CENPN: variants seen among roughly 807,000 people sequenced by gnomAD.
CENPN encodes centromere protein N, also known as interphase centromere complex protein 32.
CENPN carries 36 observed loss-of-function variants against 48.6 expected under a neutral mutation model. The ratio of observed to expected loss-of-function variants is 0.74; its 90% CI spans 0.57 to 0.98. CENPN has a LOEUF of 0.98. Among genes scored for constraint, CENPN ranks in the 50% least tolerant of loss-of-function variants. The pLI is 0.00. For synonymous variants in CENPN, 166 were observed against 135.2 expected (o/e 1.23, Z -1.58); for missense variants, 439 against 399.2 (o/e 1.10, Z -0.85).
At chr16:81,032,598 C>A (rs1465612603), downstream of CENPN, 2 of 1,611,778 alleles carry the variant, frequency 1.2e-6, no homozygotes, top group East Asian at 4.5e-5. Context: ...AAAAGCTGCT[C>A]TGCTATTCTG....
Position 81,024,796 on chromosome 16 carries a change from T to C in CENPN, c.697+18T>C, listed in dbSNP as rs781656637. 6.5e-7 allele frequency: 1 copy of C among 1,549,230 alleles called. No individual in the cohort carries two copies. The highest frequency in any genetic ancestry group is 1.8e-5 in the Admixed American group (1 of 57,022). ...TATAAATAGTACGTGTGTGTTAATA[T>C]GAAACTGAATTTTGGAAATGCATCA... On this transcript the variant is annotated intron_variant, in intron 8 of 10. Coordinates refer to ENST00000305850, the MANE Select transcript of CENPN (RefSeq NM_001100624.3).
chr16:81,008,206 AT>A (rs141268801), intron 1 of CENPN, among the ~76,000 whole-genome samples: 2,584 of 152,252 alleles, frequency 0.017, 100 homozygotes, highest in East Asian at 0.1. Context: ...GCTCTACCAA[AT>A]TTCTTTAGAC....
Position 81,029,405 on chromosome 16 carries a change from T to G in CENPN, c.*754T>G, listed in dbSNP as rs982118191. ...TTTTCCTTTCTAATTTTTTATTTCT[T>G]TATTTATTTATTGAGACAGGGTCTC... On this transcript the variant is annotated 3_prime_UTR_variant, in exon 11 of 11. Coordinates refer to ENST00000305850, the MANE Select transcript of CENPN (RefSeq NM_001100624.3). The G allele has an allele frequency of 1.2e-5, 7 of 599,522 alleles. No individual in the cohort carries two copies. The African/African-American group carries it at 1.2e-4, about 10-fold the overall frequency. The allele number at this position is 599,522 out of a possible 1,614,324, so 37.1% of individuals were successfully genotyped here. A position where few individuals can be genotyped will look rare whatever the true frequency, so the allele number is the denominator to read the frequency against.
chr16:81,008,610 G>T (rs1969594343), intron 1 of CENPN, among the ~76,000 whole-genome samples: 2 of 152,114 alleles, frequency 1.3e-5, no homozygotes, highest in African/African-American at 2.4e-5. Flanking sequence ...GACCTCAAGT[G>T]ATACACCACG....
intron 7 of CENPN, chr16:81,024,451 C>T (rs1970367187): frequency 8.2e-6 from 2 of 243,042 alleles, no homozygotes; most frequent in East Asian, 1.8e-4. Context: ...GCAAATGCTT[C>T]CGTAGATTCC....
Position 81,028,720 on chromosome 16 carries a change from G to C in CENPN, c.*69G>C. 3.9e-6 allele frequency: 6 copies of C among 1,554,608 alleles called. No homozygotes were observed. Among genetic ancestry groups the C allele is most frequent in the Admixed American group, 2.2e-5 (1 of 45,672 alleles). ...GCACATGCACTTCAGTTCATGGCTA[G>C]CTGTATAGCTTCCGTCTGTAAACTT... On this transcript the variant is annotated 3_prime_UTR_variant, in exon 11 of 11. Coordinates refer to ENST00000305850, the MANE Select transcript of CENPN (RefSeq NM_001100624.3).
At chr16:81,022,350 C>T in intron 6 of CENPN, 1 of 416,996 alleles carries the variant, frequency 2.4e-6, no homozygotes, top group South Asian at 3.2e-5. Flanking sequence ...TTATTAGTAA[C>T]TCCTAACTTT....
chr16:81,020,442 G>T (rs1949341381), intron 6 of CENPN, 166 bp downstream of exon 6: 2 of 585,978 alleles, frequency 3.4e-6, no homozygotes, highest in Non-Finnish European at 5.4e-6. Context: ...AGGATTGCTC[G>T]TGCCCACGAG....
chr16:81,019,006 A>G (rs989242365), intron 5 of CENPN, among the ~76,000 whole-genome samples: 1 of 152,208 alleles, frequency 6.6e-6, no homozygotes, highest in African/African-American at 2.4e-5. Context: ...CATATTTAAA[A>G]GTTTGGAAAG....
At chr16:81,032,238 T>C (rs1970804563), downstream of CENPN, among the ~76,000 whole-genome samples, 2 of 152,214 alleles carry the variant, frequency 1.3e-5, no homozygotes, top group African/African-American at 4.8e-5. Flanking sequence ...GACTGAGGAA[T>C]AGAGCCACAT....
intron 10 of CENPN, 112 bp downstream of exon 10, chr16:81,028,409 C>T: frequency 6.7e-7 from 1 of 1,484,272 alleles, no homozygotes; most frequent in South Asian, 1.3e-5. Flanking sequence ...TCTGCTAGCC[C>T]ATCCTGCTCT....
At chr16:81,024,589 T>G (rs1365623598) in intron 7 of CENPN, 126 bp from the exon 8 acceptor site, 1 of 512,856 alleles carries the variant, frequency 1.9e-6, no homozygotes, top group African/African-American at 2.3e-5. Flanking sequence ...TCAGCCAGGA[T>G]ATGGCTTTGG....
At position 81,007,297 on chromosome 16, in the gene CENPN, C is replaced by T. The variant is rs1247105172; in HGVS notation, c.-11+20C>T. On this transcript the variant is annotated intron_variant, in intron 1 of 10. Transcript: ENST00000305850. ...GGGCCGGTAAGAGAGCCCCGGGCGG[C>T]ACTGGATCGGGCCCCGGAGGGTGTG... is the stretch of plus-strand genomic sequence containing the variant. 6.5e-6 allele frequency: 1 copy of T among 153,310 alleles called. No individual in the cohort carries two copies. Among genetic ancestry groups the T allele is most frequent in the Admixed American group, 6.5e-5 (1 of 15,284 alleles). The allele number at this position is 153,310 out of a possible 1,614,324, so 9.5% of individuals were successfully genotyped here.
chr16:81,011,123 C>T (rs1969723965), intron 1 of CENPN, among the ~76,000 whole-genome samples: 1 of 152,152 alleles, frequency 6.6e-6, no homozygotes, highest in Non-Finnish European at 1.5e-5. Flanking sequence ...GGAGGCCACC[C>T]TTCCCTGTTC....
At chr16:81,018,367 T>C (rs973801955) in intron 5 of CENPN, among the ~76,000 whole-genome samples, 3 of 151,880 alleles carry the variant, frequency 2.0e-5, no homozygotes, top group Non-Finnish European at 4.4e-5. Context: ...AGTGATGGGG[T>C]TTCTCCATGT....
In CENPN at chr16:81,029,355, T is replaced by TA; in HGVS notation, c.*707dup. On this transcript the variant is annotated 3_prime_UTR_variant, in exon 11 of 11. Transcript: ENST00000305850. ...ATCAAAGTACTTCAGTGATCATCACTAAATACCCTATCTTTTTAAAAATTT... is the reference window on the plus strand; with the variant it reads ...ATCAAAGTACTTCAGTGATCATCACTAAAATACCCTATCTTTTTAAAAATTT... 1.1e-6 allele frequency: 1 copy of TA among 931,972 alleles called. No individual in the cohort carries two copies. Among genetic ancestry groups the TA allele is most frequent in the African/African-American group, 1.8e-5 (1 of 56,336 alleles). The allele number at this position is 931,972 out of a possible 1,614,324, so 57.7% of individuals were successfully genotyped here.
At chr16:81,028,382 C>T in intron 10 of CENPN, 85 bp downstream of exon 10, 1 of 1,536,344 alleles carries the variant, frequency 6.5e-7, no homozygotes. Context: ...TACTTCTGAG[C>T]TCACCCATCA....
intron 9 of CENPN, among the ~76,000 whole-genome samples, chr16:81,027,134 A>C (rs1273831460): frequency 1.3e-5 from 2 of 152,114 alleles, no homozygotes; most frequent in Non-Finnish European, 2.9e-5. Flanking sequence ...TGATGTGCAC[A>C]TGGGGCTCAT....
chr16:81,029,379 T>G lies in CENPN; in HGVS notation c.*728T>G. 5 of 840,884 alleles carry G rather than the reference T, an allele frequency of 5.9e-6. No individual in the cohort carries two copies. Among genetic ancestry groups the G allele is most frequent in the Non-Finnish European group, 7.2e-6 (5 of 698,314 alleles). 52.1% of individuals were successfully genotyped at this position (840,884 alleles called of 1,614,324 possible). On this transcript the variant is annotated 3_prime_UTR_variant, in exon 11 of 11. Transcript: ENST00000305850. ...CTAAATACCCTATCTTTTTAAAAAT[T>G]TTTTCCTTTCTAATTTTTTATTTCT... is the stretch of plus-strand genomic sequence containing the variant.
Sources: gnomAD v4.1 joint callset for allele counts (sites outside exome capture counted in the v4.1 genomes callset) on GRCh38, gnomAD v4.1.1 for gene constraint, MANE v1.5 for transcripts, NCBI Gene and HGNC (gene_info 2026-07-23, HGNC 2026-07-21) for gene names.